ITCH: variants seen among roughly 807,000 people sequenced by gnomAD.
The protein encoded by ITCH is E3 ubiquitin-protein ligase Itchy homolog.
A neutral mutation model predicts 126.8 loss-of-function variants in ITCH; 28 were observed. The observed-to-expected ratio is 0.22, with a 90% CI of 0.16 to 0.30. The LOEUF is 0.30. Ranked by LOEUF, ITCH falls within the 10% of genes least tolerant of loss-of-function variation. The probability of loss-of-function intolerance (pLI) is 1.00; values close to 1 mark genes in which losing one functional copy is unlikely to be tolerated. For synonymous variants in ITCH, 342 were observed against 340.0 expected (o/e 1.01, Z -0.06); for missense variants, 631 against 1,032.4 (o/e 0.61, Z 5.33).
At chr20:34,430,132 C>T (rs1176238582) in intron 7 of ITCH, among the ~76,000 whole-genome samples, 2 of 152,170 alleles carry the variant, frequency 1.3e-5, no homozygotes, top group African/African-American at 4.8e-5. Context: ...GTCTATTCTT[C>T]CTTCAGTTAG....
chr20:34,507,293 T>A (rs1243286293), intron 24 of ITCH, among the ~76,000 whole-genome samples: 1 of 139,146 alleles, frequency 7.2e-6, no homozygotes. Flanking sequence ...TTTTTTTGGT[T>A]GTTGTTGTTG....
At chr20:34,383,858 T>C (rs2038163138) in intron 2 of ITCH, among the ~76,000 whole-genome samples, 3 of 148,354 alleles carry the variant, frequency 2.0e-5, no homozygotes, top group Non-Finnish European at 3.0e-5. Flanking sequence ...TTTTTTTTTT[T>C]TTGAGGTGGA....
intron 23 of ITCH, among the ~76,000 whole-genome samples, chr20:34,493,735 G>A (rs530921997): frequency 6.6e-6 from 1 of 152,314 alleles, no homozygotes; most frequent in Admixed American, 6.5e-5. Flanking sequence ...GTAACTGCTG[G>A]ACAACCAAGT....
chr20:34,417,344 G>T (rs552026101), intron 6 of ITCH: 68 of 329,410 alleles, frequency 2.1e-4, no homozygotes, highest in African/African-American at 1.4e-3. Context: ...TGATCCGCCT[G>T]CCTCGACCTC....
intron 12 of ITCH, 94 bp downstream of exon 12, chr20:34,449,574 T>C: frequency 4.6e-6 from 4 of 868,948 alleles, no homozygotes; most frequent in Non-Finnish European, 7.7e-6. Flanking sequence ...TGTCTGATAC[T>C]GTGCTCTTGC....
At chr20:34,414,583 C>T (rs887938935) in intron 6 of ITCH, among the ~76,000 whole-genome samples, 4 of 149,922 alleles carry the variant, frequency 2.7e-5, no homozygotes, top group Non-Finnish European at 4.4e-5. Flanking sequence ...TTTCCTGTCT[C>T]AGTCTCCTAA....
At chr20:34,365,853 T>C (rs962228446) in intron 1 of ITCH, among the ~76,000 whole-genome samples, 1 of 152,224 alleles carries the variant, frequency 6.6e-6, no homozygotes, top group Non-Finnish European at 1.5e-5. Context: ...CTGGGTTGGC[T>C]TCAACCAATT....
At chr20:34,384,147 CT>C (rs35103776) in intron 2 of ITCH, 33,646 of 123,886 alleles carry the variant, frequency 0.27, 5,219 homozygotes, top group Admixed American at 0.49. Flanking sequence ...TGTCCGGCCT[CT>C]TTTTTTTTTT....
intron 23 of ITCH, among the ~76,000 whole-genome samples, chr20:34,496,693 C>T (rs1989905764): frequency 6.6e-6 from 1 of 150,948 alleles, no homozygotes. Flanking sequence ...ATCCCAACTA[C>T]TCAGGAGGCT....
intron 20 of ITCH, among the ~76,000 whole-genome samples, chr20:34,484,819 T>G (rs1435404353): frequency 6.6e-6 from 1 of 152,188 alleles, no homozygotes; most frequent in African/African-American, 2.4e-5. Flanking sequence ...TTGTGCTAGA[T>G]CACTCATTTA....
intron 2 of ITCH, among the ~76,000 whole-genome samples, chr20:34,383,699 AT>A (rs536716989): frequency 1.3e-5 from 2 of 150,556 alleles, no homozygotes; most frequent in Admixed American, 1.3e-4. Flanking sequence ...ATTTATTATT[AT>A]TTTTTTTAAT....
At chr20:34,503,595 G>A (rs1009533581) in intron 23 of ITCH, among the ~76,000 whole-genome samples, 24 of 152,046 alleles carry the variant, frequency 1.6e-4, no homozygotes, top group Non-Finnish European at 3.5e-4. Flanking sequence ...TTGTAGTTTC[G>A]TTATTGTCTT....
intron 2 of ITCH, among the ~76,000 whole-genome samples, chr20:34,379,697 C>T (rs112326094): frequency 2.6e-5 from 4 of 151,380 alleles, no homozygotes; most frequent in African/African-American, 9.7e-5. Flanking sequence ...TGGGTTCACC[C>T]CATTCTCCTG....
chr20:34,507,867 C>T lies in ITCH; in HGVS notation c.*73C>T. 1.8e-6 allele frequency: 2 copies of T among 1,116,670 alleles called. No homozygotes were observed. Among genetic ancestry groups the T allele is most frequent in the Non-Finnish European group, 2.7e-6 (2 of 731,916 alleles). 69.2% of individuals were successfully genotyped at this position (1,116,670 alleles called of 1,614,324 possible). A position where few individuals can be genotyped will look rare whatever the true frequency, so the allele number is the denominator to read the frequency against. On this transcript the variant is annotated 3_prime_UTR_variant, in exon 25 of 25. Transcript: ENST00000374864. ...TTGTCCTTCTCTGCCTGTTGCACAT[C>T]TTGTAAAATTGGACAATGGCTCTTT...
intron 1 of ITCH, among the ~76,000 whole-genome samples, chr20:34,367,955 T>C (rs2037478231): frequency 6.6e-6 from 1 of 152,176 alleles, no homozygotes; most frequent in Non-Finnish European, 1.5e-5. Context: ...GTAAGTTTTG[T>C]TATATTCATT....
chr20:34,443,761 G>C (rs1045205238), intron 10 of ITCH, among the ~76,000 whole-genome samples: 1 of 152,150 alleles, frequency 6.6e-6, no homozygotes, highest in Admixed American at 6.5e-5. Flanking sequence ...AAGGTAGGAT[G>C]GGCGCTTGAG....
rs1981227320 is a variant in ITCH, at chr20:34,424,535, C to T, written c.521+10C>T. On this transcript the variant is annotated intron_variant, in intron 7 of 24. Coordinates refer to ENST00000374864, the MANE Select transcript of ITCH (RefSeq NM_031483.7). Reference sequence around the variant, plus strand: ...CCAAGGATGAAACAAGGTAAGCATTCACTGATTGCTTACCACAGAATGCGG... The same window carrying T: ...CCAAGGATGAAACAAGGTAAGCATTTACTGATTGCTTACCACAGAATGCGG... 3.1e-6 allele frequency: 5 copies of T among 1,607,608 alleles called. No homozygotes were observed. The East Asian group carries it at 1.1e-4, about 36-fold the overall frequency.
At position 34,440,221 on chromosome 20, in the gene ITCH, C is replaced by A; in HGVS notation, c.746C>A (p.Pro249Gln). The A allele has an allele frequency of 6.2e-7, 1 of 1,613,524 alleles. No homozygotes were observed. The highest frequency in any genetic ancestry group is 8.5e-7 in the Non-Finnish European group (1 of 1,179,480). Residue 249 changes from proline (P) to glutamine (Q), a missense_variant, in exon 9 of 25, where the codon CCG becomes CAG. Coordinates refer to ENST00000374864, the MANE Select transcript of ITCH (RefSeq NM_031483.7). ...SDGSSTGSLPPTNTNTNTSEG... is the reference protein window; with the variant it reads ...SDGSSTGSLPQTNTNTNTSEG... ...GGGTCTAGTACAGGCTCTCTGCCGC[C>A]GACAAATACAAATACAAATACATCT...
Position 34,385,876 on chromosome 20 carries a change from C to G in ITCH, c.-21-7915C>G, listed in dbSNP as rs147608451. On this transcript the variant is annotated intron_variant, in intron 2 of 24. Transcript: ENST00000374864. ...CACTGTTACATGGTAGAGAATGGTT[C>G]ATATTCTACCTCCTTGTTAAGTCAA... Among the ~76,000 whole-genome samples the G allele has an allele frequency of 7.2e-5, 11 of 152,236 alleles. No homozygotes were observed. The South Asian group carries it at 8.3e-4, about 11-fold the overall frequency.
Sources: allele counts gnomAD v4.1 joint callset (sites outside exome capture counted in the v4.1 genomes callset), GRCh38; gene constraint gnomAD v4.1.1; transcripts MANE v1.5; gene names NCBI Gene and HGNC (gene_info 2026-07-23, HGNC 2026-07-21).